RPS6KA5: variants seen among roughly 807,000 people sequenced by gnomAD.
RPS6KA5 encodes ribosomal protein S6 kinase alpha-5.
RPS6KA5 carries 27 observed loss-of-function variants against 85.5 expected under a neutral mutation model. That is an observed-to-expected ratio of 0.32 (90% CI 0.23 to 0.44). The LOEUF (loss-of-function observed/expected upper bound fraction) is 0.44, where lower values mean the gene tolerates loss of function less well. Among genes scored for constraint, RPS6KA5 ranks in the 20% least tolerant of loss-of-function variants. The probability of loss-of-function intolerance (pLI) is 1.00; values close to 1 mark genes in which losing one functional copy is unlikely to be tolerated. For missense variants in RPS6KA5, 811 were observed against 980.9 expected, an observed-to-expected ratio of 0.83 and a Z score of 2.31; for synonymous variants, 334 against 348.2, an observed-to-expected ratio of 0.96 and a Z score of 0.46.
intron 3 of RPS6KA5, among the ~76,000 whole-genome samples, chr14:90,955,018 T>C (rs2038427137): frequency 1.3e-5 from 2 of 152,228 alleles, no homozygotes; most frequent in South Asian, 4.1e-4. Flanking sequence ...TGTCAATTTG[T>C]TGATCATCTC....
Position 90,902,980 on chromosome 14 carries a change from G to T in RPS6KA5, c.958-11C>A, listed in dbSNP as rs2035265856. 2.5e-6 allele frequency: 4 copies of T among 1,606,232 alleles called. No homozygotes were observed. The highest frequency in any genetic ancestry group is 1.3e-5 in the African/African-American group (1 of 74,706). On this transcript the variant is annotated splice_polypyrimidine_tract_variant and intron_variant, in intron 8 of 16. Transcript: ENST00000614987. Reference sequence around the variant, plus strand: ...ATCCCAATTTATTTTCTAAAACAAAGAAAGTTGGTACAAAGTAGAAATCAA... The same window carrying T: ...ATCCCAATTTATTTTCTAAAACAAATAAAGTTGGTACAAAGTAGAAATCAA...
chr14:90,938,604 T>G (rs2037407917), intron 5 of RPS6KA5, among the ~76,000 whole-genome samples: 1 of 152,080 alleles, frequency 6.6e-6, no homozygotes, highest in South Asian at 2.1e-4. Context: ...TAGGCGGAGG[T>G]TCCCAAACCT....
At chr14:90,883,830 A>G (rs2034012234) in intron 14 of RPS6KA5, among the ~76,000 whole-genome samples, 1 of 152,186 alleles carries the variant, frequency 6.6e-6, no homozygotes, top group Non-Finnish European at 1.5e-5. Flanking sequence ...TGATTGTTAT[A>G]GGCTGTCTCT....
intron 5 of RPS6KA5, among the ~76,000 whole-genome samples, chr14:90,932,164 C>A (rs2140322112): frequency 6.6e-6 from 1 of 152,290 alleles, no homozygotes; most frequent in Admixed American, 6.5e-5. Flanking sequence ...CATTCTGTCA[C>A]CCAGGCTGGA....
At chr14:90,921,913 A>T (rs1346598958) in intron 6 of RPS6KA5, among the ~76,000 whole-genome samples, 2 of 152,222 alleles carry the variant, frequency 1.3e-5, no homozygotes, top group Admixed American at 1.3e-4. Flanking sequence ...AAAAATGAAC[A>T]AATTTTGTAC....
chr14:90,954,345 T>G (rs1053115405), intron 3 of RPS6KA5, among the ~76,000 whole-genome samples: 28 of 152,238 alleles, frequency 1.8e-4, no homozygotes, highest in African/African-American at 6.5e-4. Context: ...TTTAAATGTT[T>G]GGTAACATTT....
intron 3 of RPS6KA5, among the ~76,000 whole-genome samples, chr14:90,950,907 C>T (rs528238141): frequency 5.2e-4 from 78 of 150,384 alleles, no homozygotes; most frequent in African/African-American, 1.8e-3. Flanking sequence ...GATCACTTGA[C>T]GTCATGGGTT....
intron 2 of RPS6KA5, among the ~76,000 whole-genome samples, chr14:90,991,207 A>G (rs893723841): frequency 1.3e-5 from 2 of 152,234 alleles, no homozygotes; most frequent in African/African-American, 4.8e-5. Context: ...GCAAGACTGT[A>G]TATTACGTAT....
At chr14:90,997,598 C>T (rs2040586695) in intron 2 of RPS6KA5, among the ~76,000 whole-genome samples, 1 of 152,140 alleles carries the variant, frequency 6.6e-6, no homozygotes, top group Non-Finnish European at 1.5e-5. Context: ...CCAGGCTAGT[C>T]TCCAAAGCAG....
At chr14:90,972,280 C>T (rs1219715793) in intron 3 of RPS6KA5, among the ~76,000 whole-genome samples, 2 of 152,044 alleles carry the variant, frequency 1.3e-5, no homozygotes, top group East Asian at 3.8e-4. Flanking sequence ...GAAAAATAAA[C>T]CAACAGGAAG....
intron 5 of RPS6KA5, among the ~76,000 whole-genome samples, chr14:90,926,563 A>C (rs1032078704): frequency 6.6e-6 from 1 of 152,022 alleles, no homozygotes; most frequent in Non-Finnish European, 1.5e-5. Flanking sequence ...GCTGTCTTAT[A>C]ATAATTCACT....
intron 3 of RPS6KA5, among the ~76,000 whole-genome samples, chr14:90,971,618 T>C (rs1261643349): frequency 6.6e-6 from 1 of 152,196 alleles, no homozygotes; most frequent in Non-Finnish European, 1.5e-5. Context: ...AAGATAATAC[T>C]AACATTGTAA....
At chr14:91,030,526 A>G (rs1471382538) in intron 1 of RPS6KA5, among the ~76,000 whole-genome samples, 1 of 144,978 alleles carries the variant, frequency 6.9e-6, no homozygotes, top group East Asian at 2.2e-4. Context: ...TCTAACCAGC[A>G]TTTTGGTGTC....
chr14:91,019,059 A>G (rs2041624516), intron 1 of RPS6KA5, among the ~76,000 whole-genome samples: 1 of 152,082 alleles, frequency 6.6e-6, no homozygotes, highest in South Asian at 2.1e-4. Flanking sequence ...ATTTTTGTAC[A>G]CAGGATAGCT....
In RPS6KA5 at chr14:90,859,358, C is replaced by A. The variant is rs1225720590; in HGVS notation, c.*12716G>T. The A allele has an allele frequency of 6.6e-6, 1 of 152,100 alleles. No homozygotes were observed. The highest frequency in any genetic ancestry group is 2.4e-5 in the African/African-American group (1 of 41,392). 9.4% of individuals were successfully genotyped at this position (152,100 alleles called of 1,614,324 possible). A position where few individuals can be genotyped will look rare whatever the true frequency, so the allele number is the denominator to read the frequency against. Reference sequence around the variant, plus strand: ...TTATAAGGCATGCTAAAAAACAGCACCAAATGACTGACAACAGACAATGGA... The same window carrying A: ...TTATAAGGCATGCTAAAAAACAGCAACAAATGACTGACAACAGACAATGGA... On this transcript the variant is annotated 3_prime_UTR_variant, in exon 17 of 17. Coordinates refer to ENST00000614987, the MANE Select transcript of RPS6KA5 (RefSeq NM_004755.4).
intron 9 of RPS6KA5, among the ~76,000 whole-genome samples, chr14:90,901,040 C>T (rs1450516004): frequency 1.3e-5 from 2 of 152,124 alleles, no homozygotes; most frequent in African/African-American, 4.8e-5. Context: ...TCCTGGTTTG[C>T]TGATGAAATT....
chr14:90,949,365 C>T (rs2038049111), intron 3 of RPS6KA5, among the ~76,000 whole-genome samples: 1 of 152,208 alleles, frequency 6.6e-6, no homozygotes, highest in Non-Finnish European at 1.5e-5. Flanking sequence ...TTATTTAAGA[C>T]TTCCAGCACT....
At position 90,909,146 on chromosome 14, in the gene RPS6KA5, GC is replaced by G. The variant is rs1445667021; in HGVS notation, c.807-2848del. ...GACCACTGCTGCCTATGCAGAATGG[GC>G]ACTGCAGAAGTGGGGCTGAGGGTAG... On this transcript the variant is annotated intron_variant, in intron 7 of 16. Transcript: ENST00000614987. 2.0e-5 allele frequency among the ~76,000 whole-genome samples: 3 copies of G among 152,324 alleles called. No homozygotes were observed. In the East Asian group the frequency reaches 5.8e-4, roughly 29 times the overall value.
chr14:91,024,932 A>G (rs2041929487), intron 1 of RPS6KA5, among the ~76,000 whole-genome samples: 1 of 151,936 alleles, frequency 6.6e-6, no homozygotes, highest in African/African-American at 2.4e-5. Flanking sequence ...CCCAGGCTGG[A>G]GTGCAGTGGT....
Sources: gnomAD v4.1 joint callset for allele counts (sites outside exome capture counted in the v4.1 genomes callset) on GRCh38, gnomAD v4.1.1 for gene constraint, MANE v1.5 for transcripts, NCBI Gene and HGNC (gene_info 2026-07-23, HGNC 2026-07-21) for gene names.